LARGE1: variants seen among roughly 807,000 people sequenced by gnomAD.
The protein encoded by LARGE1 is xylosyl- and glucuronyltransferase LARGE1.
LARGE1 carries 43 observed loss-of-function variants against 87.6 expected under a neutral mutation model. The ratio of observed to expected loss-of-function variants is 0.49; its 90% CI spans 0.38 to 0.63. The LOEUF is 0.63. LARGE1 is among the 30% of genes least tolerant of loss of function. The probability of loss-of-function intolerance (pLI) is 0.00; values close to 1 mark genes in which losing one functional copy is unlikely to be tolerated. For synonymous variants in LARGE1, 434 were observed against 394.6 expected, an observed-to-expected ratio of 1.10 and a Z score of -1.18; for missense variants, 802 against 1,000.2, an observed-to-expected ratio of 0.80 and a Z score of 2.67.
At chr22:33,747,018 G>A (rs181524870) in intron 2 of LARGE1, among the ~76,000 whole-genome samples, 2 of 152,264 alleles carry the variant, frequency 1.3e-5, no homozygotes, top group Non-Finnish European at 2.9e-5. Context: ...TGTTCATTAA[G>A]TGCCCCGGGG....
intron 11 of LARGE1, among the ~76,000 whole-genome samples, chr22:33,219,625 A>G (rs1023899977): frequency 1.3e-5 from 2 of 152,222 alleles, no homozygotes; most frequent in Admixed American, 6.5e-5. Flanking sequence ...CAAACTTTCC[A>G]TCTCTTCTGG....
intron 1 of LARGE1, among the ~76,000 whole-genome samples, chr22:33,852,869 AAAAAAAAAAAGAAAGAAAG>A (rs1337973621): frequency 6.9e-5 from 8 of 115,412 alleles, no homozygotes; most frequent in African/African-American, 3.5e-4. Context: ...AAAAAAAAAA[AAAAAAAAAAAGAAAGAAAG>A]AAAGAAAGAA....
chr22:33,734,702 C>T (rs2083594396), intron 2 of LARGE1, among the ~76,000 whole-genome samples: 1 of 152,084 alleles, frequency 6.6e-6, no homozygotes, highest in Non-Finnish European at 1.5e-5. Context: ...TCCTAATAAT[C>T]CTGGCCTCAG....
intron 7 of LARGE1, among the ~76,000 whole-genome samples, chr22:33,427,751 G>A (rs932431970): frequency 6.6e-6 from 1 of 152,230 alleles, no homozygotes; most frequent in Admixed American, 6.5e-5. Context: ...AGGCACACGT[G>A]GCTGCGCCAC....
intron 2 of LARGE1, among the ~76,000 whole-genome samples, chr22:33,713,395 T>C (rs1317142675): frequency 6.6e-6 from 1 of 152,146 alleles, no homozygotes; most frequent in African/African-American, 2.4e-5. Flanking sequence ...ATTCCACTAG[T>C]ACATAAATGC....
At chr22:33,804,291 C>T (rs1449895772) in intron 1 of LARGE1, among the ~76,000 whole-genome samples, 1 of 152,172 alleles carries the variant, frequency 6.6e-6, no homozygotes, top group Non-Finnish European at 1.5e-5. Flanking sequence ...TGAACGCAGA[C>T]TTGATCTCTA....
chr22:33,229,447 A>G (rs1280791145), intron 11 of LARGE1, among the ~76,000 whole-genome samples: 3 of 152,108 alleles, frequency 2.0e-5, no homozygotes, highest in Non-Finnish European at 2.9e-5. Context: ...AAAAAATAAT[A>G]TGAATATTTT....
chr22:33,862,035 A>G (rs1280306084), intron 1 of LARGE1, among the ~76,000 whole-genome samples: 2 of 151,102 alleles, frequency 1.3e-5, no homozygotes, highest in African/African-American at 2.4e-5. Context: ...ATTTTTTTGT[A>G]TATTTAGTAG....
intron 2 of LARGE1, among the ~76,000 whole-genome samples, chr22:33,734,489 G>C (rs969005474): frequency 2.0e-5 from 3 of 152,170 alleles, no homozygotes; most frequent in Non-Finnish European, 2.9e-5. Context: ...CATCCTATTA[G>C]TAGTGAGAGA....
chr22:33,599,993 A>G (rs1036998931), intron 5 of LARGE1, among the ~76,000 whole-genome samples: 1 of 152,004 alleles, frequency 6.6e-6, no homozygotes, highest in Admixed American at 6.6e-5. Context: ...GCTGGTGCAA[A>G]TGTTGCTGCC....
At chr22:33,067,196 A>T in the LARGE1 span, among the ~76,000 whole-genome samples, 1 of 152,092 alleles carries the variant, frequency 6.6e-6, no homozygotes, top group Non-Finnish European at 1.5e-5. Context: ...ACTTCAGAGG[A>T]GTAAGCATAC....
intron 6 of LARGE1, among the ~76,000 whole-genome samples, chr22:33,506,892 C>A (rs1446086307): frequency 6.6e-6 from 1 of 152,164 alleles, no homozygotes; most frequent in Non-Finnish European, 1.5e-5. Flanking sequence ...CAGAGTTAGA[C>A]TCTGTCTCAA....
intron 5 of LARGE1, among the ~76,000 whole-genome samples, chr22:33,602,288 CTTTTTT>C (rs1395553033): frequency 6.6e-6 from 1 of 151,870 alleles, no homozygotes; most frequent in Middle Eastern, 3.2e-3. Flanking sequence ...TTTTCTTTTT[CTTTTTT>C]CCGTTTTTTT....
chr22:33,735,977 T>C (rs936639304), intron 2 of LARGE1, among the ~76,000 whole-genome samples: 4 of 152,242 alleles, frequency 2.6e-5, no homozygotes, highest in Admixed American at 2.0e-4. Context: ...ACTTCATTCC[T>C]TGTAATAGCT....
chr22:33,760,931 C>T (rs536690277), intron 2 of LARGE1, among the ~76,000 whole-genome samples: 1 of 151,914 alleles, frequency 6.6e-6, no homozygotes, highest in South Asian at 2.1e-4. Context: ...AAAAACCAAA[C>T]CAAAACAAAA....
chr22:33,551,262 C>T (rs368716876), intron 6 of LARGE1, among the ~76,000 whole-genome samples: 2 of 152,146 alleles, frequency 1.3e-5, no homozygotes, highest in Admixed American at 6.5e-5. Context: ...GGAGAAACCC[C>T]GTACTAAGGC....
intron 2 of LARGE1, among the ~76,000 whole-genome samples, chr22:33,757,399 C>T (rs1422261500): frequency 6.6e-6 from 1 of 152,134 alleles, no homozygotes; most frequent in East Asian, 1.9e-4. Context: ...GGTAGAATGT[C>T]GGCACCCTGC....
At chr22:33,363,155 A>G (rs1316081300) in intron 9 of LARGE1, among the ~76,000 whole-genome samples, 1 of 150,054 alleles carries the variant, frequency 6.7e-6, no homozygotes, top group Non-Finnish European at 1.5e-5. Flanking sequence ...GGAGACCAGG[A>G]GAGGCAGGGT....
At chr22:33,783,995 CTT>C (rs2085516937) in intron 1 of LARGE1, among the ~76,000 whole-genome samples, 1 of 152,266 alleles carries the variant, frequency 6.6e-6, no homozygotes, top group South Asian at 2.1e-4. Context: ...CAATCTCTCT[CTT>C]TCTTTTTTCT....
Sources: allele counts gnomAD v4.1 joint callset (sites outside exome capture counted in the v4.1 genomes callset), GRCh38; gene constraint gnomAD v4.1.1; transcripts MANE v1.5; gene names NCBI Gene and HGNC (gene_info 2026-07-23, HGNC 2026-07-21).